Variants in GRM8 observed in about 807,000 individuals in gnomAD.
The protein encoded by GRM8 is glutamate metabotropic receptor 8, also known as metabotropic glutamate receptor 8.
In GRM8, 47 loss-of-function variants were observed where a neutral mutation model predicts 87.2. The ratio of observed to expected loss-of-function variants is 0.54; its 90% CI spans 0.43 to 0.69. The LOEUF (loss-of-function observed/expected upper bound fraction) is 0.69, where lower values mean the gene tolerates loss of function less well. Ranked by LOEUF, GRM8 falls within the 30% of genes least tolerant of loss-of-function variation. The pLI, the probability that GRM8 is intolerant of heterozygous loss-of-function variation, is 0.00. For missense variants in GRM8, 1,019 were observed against 1,139.2 expected, an observed-to-expected ratio of 0.89 and a Z score of 1.52; for synonymous variants, 396 against 404.5, an observed-to-expected ratio of 0.98 and a Z score of 0.25.
At chr7:127,059,500 C>T (rs902735298) in intron 3 of GRM8, among the ~76,000 whole-genome samples, 18 of 152,010 alleles carry the variant, frequency 1.2e-4, no homozygotes, top group African/African-American at 3.9e-4. Flanking sequence ...CCACACCCAG[C>T]TAATTTTTGT....
intron 7 of GRM8, among the ~76,000 whole-genome samples, chr7:126,750,608 G>A (rs548937834): frequency 6.6e-6 from 1 of 151,974 alleles, no homozygotes; most frequent in South Asian, 2.1e-4. Flanking sequence ...ACTTTCAAAA[G>A]ATTTACCTTG....
At chr7:126,863,289 T>A (rs2130829739) in intron 6 of GRM8, among the ~76,000 whole-genome samples, 1 of 152,282 alleles carries the variant, frequency 6.6e-6, no homozygotes, top group Admixed American at 6.5e-5. Flanking sequence ...TGGTGCCACA[T>A]TTTATTAAAC....
At chr7:126,830,437 CTTCATTTCA>C (rs1213497070) in intron 6 of GRM8, among the ~76,000 whole-genome samples, 1 of 152,150 alleles carries the variant, frequency 6.6e-6, no homozygotes, top group African/African-American at 2.4e-5. Flanking sequence ...TCCCTTCTCG[CTTCATTTCA>C]TTCATTTCAT....
intron 6 of GRM8, among the ~76,000 whole-genome samples, chr7:126,800,695 A>G (rs2151705411): frequency 6.6e-6 from 1 of 152,286 alleles, no homozygotes; most frequent in East Asian, 1.9e-4. Context: ...CCTTTTCTCA[A>G]ATGTACACCA....
chr7:126,999,849 T>C (rs1586715518), intron 3 of GRM8, among the ~76,000 whole-genome samples: 1 of 151,590 alleles, frequency 6.6e-6, no homozygotes, highest in African/African-American at 2.4e-5. Context: ...AAACTGAAAA[T>C]AGAGTGACTA....
intron 2 of GRM8, among the ~76,000 whole-genome samples, chr7:127,174,958 T>C (rs1022981212): frequency 2.0e-5 from 3 of 152,164 alleles, no homozygotes; most frequent in African/African-American, 7.2e-5. Flanking sequence ...GCTTTTGTGT[T>C]GAGTGTAATA....
intron 9 of GRM8, among the ~76,000 whole-genome samples, chr7:126,494,663 C>T (rs1327507653): frequency 6.6e-6 from 1 of 152,022 alleles, no homozygotes; most frequent in East Asian, 1.9e-4. Context: ...ACATTACACA[C>T]ACACACAAAG....
intron 3 of GRM8, among the ~76,000 whole-genome samples, chr7:127,099,823 TA>T (rs1825047061): frequency 6.6e-6 from 1 of 152,270 alleles, no homozygotes; most frequent in African/African-American, 2.4e-5. Context: ...ATTGAAATCC[TA>T]AACCCAGTAC....
Position 127,161,569 on chromosome 7 carries a change from T to C in GRM8, c.511-54857A>G, listed in dbSNP as rs567922834. Among the ~76,000 whole-genome samples, 77 of 152,316 alleles carry C rather than the reference T, an allele frequency of 5.1e-4. 1 individual carries two copies. The South Asian group carries it at 0.01, about 21-fold the overall frequency. The stretch of plus-strand genomic sequence containing the variant: ...GCATGTGTGTCCATGCATACACTTA[T>C]GTGTGCGCATGCATGTGTACAGTAG... On this transcript the variant is annotated intron_variant, in intron 2 of 10. Transcript: ENST00000339582.
At chr7:126,579,906 T>A (rs1043604155) in intron 8 of GRM8, among the ~76,000 whole-genome samples, 4 of 152,084 alleles carry the variant, frequency 2.6e-5, no homozygotes, top group African/African-American at 7.2e-5. Context: ...GGTCCCTAAA[T>A]TCCTTAAAAT....
chr7:127,098,885 A>T (rs966831433), intron 3 of GRM8, among the ~76,000 whole-genome samples: 7 of 152,202 alleles, frequency 4.6e-5, no homozygotes, highest in African/African-American at 1.7e-4. Context: ...GCCATTCATA[A>T]ACATGATGAC....
chr7:126,951,040 A>G, intron 3 of GRM8, among the ~76,000 whole-genome samples: 1 of 152,232 alleles, frequency 6.6e-6, no homozygotes, highest in African/African-American at 2.4e-5. Context: ...ATATTGTCAT[A>G]TATCTCCAAA....
chr7:127,102,746 GC>G (rs1408205278), intron 3 of GRM8, among the ~76,000 whole-genome samples: 3 of 152,214 alleles, frequency 2.0e-5, no homozygotes, highest in African/African-American at 7.2e-5. Flanking sequence ...ATGGGGCAGA[GC>G]CATCACAGAA....
intron 3 of GRM8, among the ~76,000 whole-genome samples, chr7:126,985,912 GA>G (rs1812009527): frequency 6.6e-6 from 1 of 152,142 alleles, no homozygotes; most frequent in East Asian, 1.9e-4. Flanking sequence ...AGCAGTAACT[GA>G]AGCAGAACTA....
At chr7:127,237,444 T>A (rs913321076) in intron 2 of GRM8, among the ~76,000 whole-genome samples, 2 of 152,216 alleles carry the variant, frequency 1.3e-5, no homozygotes, top group Non-Finnish European at 2.9e-5. Flanking sequence ...CTCAAAAAAA[T>A]GCTTGGCTTT....
At chr7:126,576,489 C>T (rs968231977) in intron 8 of GRM8, among the ~76,000 whole-genome samples, 2 of 151,976 alleles carry the variant, frequency 1.3e-5, no homozygotes, top group African/African-American at 2.4e-5. Flanking sequence ...CACCATGTTG[C>T]CCAGTCTGAT....
chr7:126,928,731 A>T (rs1007409264), intron 3 of GRM8, among the ~76,000 whole-genome samples: 10 of 152,148 alleles, frequency 6.6e-5, no homozygotes, highest in Admixed American at 5.9e-4. Context: ...TAAAAGATAC[A>T]TAAAATAGTT....
rs76254706 is a variant in GRM8 at position 126,972,444 on chromosome 7, C to G, written c.728-67761G>C. Among the ~76,000 whole-genome samples, 6 of 152,176 alleles carry G rather than the reference C, an allele frequency of 3.9e-5. No homozygotes were observed. In the East Asian group the frequency reaches 1.2e-3, roughly 29 times the overall value. ...TTTTTTACACTGCCTTTTCTCTTCT[C>G]GGAATCAAATTTAGTTATCCTTTGG... is the stretch of plus-strand genomic sequence containing the variant. On this transcript the variant is annotated intron_variant, in intron 3 of 10. Coordinates refer to ENST00000339582, the MANE Select transcript of GRM8 (RefSeq NM_000845.3).
rs890656936 is a variant in GRM8, at chr7:126,470,202, T to C, written c.2431-23830A>G. 1.1e-4 allele frequency among the ~76,000 whole-genome samples: 16 copies of C among 152,016 alleles called. 1 individual carries two copies. The highest frequency in any genetic ancestry group is 2.1e-4 in the Non-Finnish European group (14 of 67,994). ...TCTTTTTTTTATTTTATTTTATTAT[T>C]ATTATACTTTAAGTTTTAGGGTACA... On this transcript the variant is annotated intron_variant, in intron 9 of 10. Coordinates refer to ENST00000339582, the MANE Select transcript of GRM8 (RefSeq NM_000845.3).
Sources: allele counts gnomAD v4.1 joint callset (sites outside exome capture counted in the v4.1 genomes callset), GRCh38; gene constraint gnomAD v4.1.1; transcripts MANE v1.5; gene names NCBI Gene and HGNC (gene_info 2026-07-23, HGNC 2026-07-21).